Variants in CILP observed in about 807,000 individuals in gnomAD.
CILP encodes the protein cartilage intermediate layer protein.
In CILP, 75 loss-of-function variants were observed where a neutral mutation model predicts 82.5. That is an observed-to-expected ratio of 0.91 (90% CI 0.75 to 1.10). The LOEUF (loss-of-function observed/expected upper bound fraction) is 1.10. Among genes scored for constraint, CILP ranks in the 50% least tolerant of loss-of-function variants. CILP has a pLI of 0.00. For missense variants in CILP, 1,479 were observed against 1,530.8 expected (o/e 0.97, Z 0.56); for synonymous variants, 530 against 580.3 (o/e 0.91, Z 1.25).
chr15:65,197,356 T>C lies in CILP; in HGVS notation c.2930A>G (p.His977Arg). 1 of 1,614,226 alleles carries C rather than the reference T, an allele frequency of 6.2e-7. No homozygotes were observed. The highest frequency in any genetic ancestry group is 8.5e-7 in the Non-Finnish European group (1 of 1,180,034). ...NVRSRNMGGT[H>R]RQTVGKLYGI... ...ATACAGCTTCCCCACTGTCTGCCGA[T>C]GAGTGCCCCCCATGTTGCGGGATCG... Residue 977 changes from histidine (H) to arginine (R), a missense_variant, in exon 9 of 9, where the codon CAT (histidine) becomes CGT (arginine). Transcript: ENST00000261883.
chr15:65,207,550 C>T (rs2088531705), intron 3 of CILP, 122 bp downstream of exon 3: 1 of 785,878 alleles, frequency 1.3e-6, no homozygotes, highest in Admixed American at 2.1e-5. Context: ...AGATGGAGGC[C>T]AAATGCTTGT....
At chr15:65,206,493 A>G (rs1229778016) in intron 4 of CILP, among the ~76,000 whole-genome samples, 1 of 152,200 alleles carries the variant, frequency 6.6e-6, no homozygotes, top group East Asian at 1.9e-4. Context: ...CCCACTTCAG[A>G]GCCTGTGGTC....
At position 65,206,712 on chromosome 15, in the gene CILP, C is replaced by T. The variant is rs1313747524; in HGVS notation, c.424+70G>A. The stretch of plus-strand genomic sequence containing the variant: ...TGCTGAGAGTTCTGGTGGCCAGAGG[C>T]AGGTTCTCCCTCTCCCTGAGTAGAG... On this transcript the variant is annotated intron_variant, in intron 4 of 8. Transcript: ENST00000261883. 5 of 1,507,718 alleles carry T rather than the reference C, an allele frequency of 3.3e-6. No homozygotes were observed. The African/African-American group carries it at 5.6e-5, about 17-fold the overall frequency. The allele number at this position is 1,507,718 out of a possible 1,614,324, so 93.4% of individuals were successfully genotyped here.
intron 2 of CILP, among the ~76,000 whole-genome samples, chr15:65,209,104 G>T (rs966356648): frequency 2.7e-5 from 4 of 146,868 alleles, no homozygotes; most frequent in African/African-American, 1.0e-4. Context: ...GAGAGAGTGT[G>T]CAGGGGAGGG....
Position 65,209,863 on chromosome 15 carries a change from T to C in CILP, c.-106-2A>G. 4.7e-6 allele frequency: 4 copies of C among 858,468 alleles called. No homozygotes were observed. The highest frequency in any genetic ancestry group is 7.6e-6 in the Non-Finnish European group (4 of 522,908). 53.2% of individuals were successfully genotyped at this position (858,468 alleles called of 1,614,324 possible). On this transcript the variant is annotated splice_acceptor_variant, in intron 1 of 8. Transcript: ENST00000261883. LOFTEE classifies it low-confidence loss of function (5UTR_SPLICE). Reference sequence around the variant, plus strand: ...GGGAAGTTTCTCAGATCCAGTGACCTGTAAAGAAACAAAGCTTGTCAGGTT... The same window carrying C: ...GGGAAGTTTCTCAGATCCAGTGACCCGTAAAGAAACAAAGCTTGTCAGGTT...
rs766004466 is a variant in CILP at position 65,197,671 on chromosome 15, G to C, written c.2615C>G (p.Thr872Arg). Residue 872 changes from threonine (T) to arginine (R), a missense_variant, in exon 9 of 9, where the codon ACA (threonine) becomes AGA (arginine). By Grantham distance (71) the Thr-to-Arg change is moderately conservative. Transcript: ENST00000261883. Reference protein sequence around the residue: ...TDHEDPRVKKTAFQISMAKPR... With the variant: ...TDHEDPRVKKRAFQISMAKPR... ...CTTGGCCATGCTAATCTGGAAAGCT[G>C]TCTTTTTAACCCGTGGATCCTCATG... 1.6e-5 allele frequency: 26 copies of C among 1,613,922 alleles called. No individual in the cohort carries two copies. Among genetic ancestry groups the C allele is most frequent in the Non-Finnish European group, 2.1e-5 (25 of 1,180,046 alleles).
Position 65,197,254 on chromosome 15 carries a change from C to T in CILP, c.3032G>A (p.Ser1011Asn), listed in dbSNP as rs748073724. The T allele has an allele frequency of 1.2e-6, 2 of 1,614,114 alleles. No individual in the cohort carries two copies. Among genetic ancestry groups the T allele is most frequent in the Non-Finnish European group, 8.5e-7 (1 of 1,179,996 alleles). ...ACGGTCCTGATCATAGAGCATCCCA[C>T]TGCACTTGAACTCCAGACAGGCAGC... ...VSAACLEFKC[S>N]GMLYDQDRVD... Residue 1011 changes from serine (S) to asparagine (N), a missense_variant, in exon 9 of 9, where the codon AGT (serine) becomes AAT (asparagine). Ser to Asn is a conservative substitution (Grantham distance 46). Coordinates refer to ENST00000261883, the MANE Select transcript of CILP (RefSeq NM_003613.4).
chr15:65,210,301 C>T (rs2088571410), intron 1 of CILP, among the ~76,000 whole-genome samples: 1 of 152,208 alleles, frequency 6.6e-6, no homozygotes, highest in African/African-American at 2.4e-5. Context: ...CTCCAGTGGC[C>T]TCTCATAAGG....
At position 65,197,034 on chromosome 15, in the gene CILP, A is replaced by AG; in HGVS notation, c.3251dup (p.Arg1085SerfsTer13). On this transcript the variant is annotated frameshift_variant, in exon 9 of 9. Coordinates refer to ENST00000261883, the MANE Select transcript of CILP (RefSeq NM_003613.4). LOFTEE classifies it high-confidence loss of function. ...CGAGCGCGATCTCCTTGGCCGTGCG[A>AG]GGGTCCTGGTCAGTGACAGTGTAGA... is the stretch of plus-strand genomic sequence containing the variant. The AG allele has an allele frequency of 1.9e-6, 3 of 1,614,200 alleles. No homozygotes were observed. The highest frequency in any genetic ancestry group is 2.5e-6 in the Non-Finnish European group (3 of 1,180,044).
chr15:65,208,222 G>A (rs760368401), intron 2 of CILP, among the ~76,000 whole-genome samples: 7 of 152,144 alleles, frequency 4.6e-5, no homozygotes, highest in Non-Finnish European at 8.8e-5. Context: ...CTCGCAGGGT[G>A]ATTCAGTTGG....
intron 2 of CILP, among the ~76,000 whole-genome samples, chr15:65,208,458 C>T (rs1395566389): frequency 6.6e-6 from 1 of 152,186 alleles, no homozygotes; most frequent in East Asian, 1.9e-4. Context: ...TAGAACAACA[C>T]CTAGCACATA....
In CILP at chr15:65,201,912, A is replaced by G. The variant is rs1459558859; in HGVS notation, c.1146T>C (p.Ala382=). 8.1e-6 allele frequency: 13 copies of G among 1,597,532 alleles called. No homozygotes were observed. Among genetic ancestry groups the G allele is most frequent in the Non-Finnish European group, 8.5e-6 (10 of 1,172,770 alleles). Reference sequence around the variant, plus strand: ...GGGCAACCTTGGACTTCACAGCCCCAGCATCACTCTGGGCCTTGCAAAAGT... The same window carrying G: ...GGGCAACCTTGGACTTCACAGCCCCGGCATCACTCTGGGCCTTGCAAAAGT... ...GEYFCKAQSD[A]GAVKSKVAQL... is the part of the protein sequence containing the mutation. Residue 382 remains alanine (A), a synonymous_variant, in exon 8 of 9, where the codon GCT becomes GCC. Coordinates refer to ENST00000261883, the MANE Select transcript of CILP (RefSeq NM_003613.4).
chr15:65,207,881 C>T, intron 2 of CILP, 117 bp from the exon 3 acceptor site: 2 of 791,790 alleles, frequency 2.5e-6, no homozygotes, highest in Non-Finnish European at 2.1e-6. Context: ...GGCATGGGTT[C>T]AAACCCCACT....
rs1189996445 is a variant in CILP, at chr15:65,196,817, G to A, written c.3469C>T (p.Arg1157Ter). The change falls in exon 9 of 9, where the codon CGA becomes TGA. Residue 1157 changes from arginine (R) to a stop codon, truncating the protein, a stop_gained. Coordinates refer to ENST00000261883, the MANE Select transcript of CILP (RefSeq NM_003613.4). LOFTEE classifies it low-confidence loss of function (END_TRUNC). Reference sequence around the variant, plus strand: ...TGGCGCTGGCCACCCCTGCTCGCTCGCTGCTGCCTCCTCGAGGGCACTCTT... The same window carrying A: ...TGGCGCTGGCCACCCCTGCTCGCTCACTGCTGCCTCCTCGAGGGCACTCTT... ...QGRVPSRRQQ[R>*]ASRGGQRQGG... 17 of 1,609,940 alleles carry A rather than the reference G, an allele frequency of 1.1e-5. No homozygotes were observed. Among genetic ancestry groups the A allele is most frequent in the East Asian group, 4.5e-5 (2 of 44,808 alleles).
In CILP at chr15:65,197,869, G is replaced by T; in HGVS notation, c.2417C>A (p.Ala806Asp). 1 of 1,613,620 alleles carries T rather than the reference G, an allele frequency of 6.2e-7. No individual in the cohort carries two copies. Among genetic ancestry groups the T allele is most frequent in the Non-Finnish European group, 8.5e-7 (1 of 1,179,908 alleles). Residue 806 changes from alanine to aspartate, a missense_variant, in exon 9 of 9, where the codon GCC (alanine) becomes GAC (aspartate). By Grantham distance (126) the Ala-to-Asp change is moderately radical. Coordinates refer to ENST00000261883, the MANE Select transcript of CILP (RefSeq NM_003613.4). ...FDSVITGPNG[A>D]CVPAFCDDQS... ...GTCATCACAGAAGGCAGGCACACAG[G>T]CCCCGTTGGGGCCTGTGATGACACT...
Position 65,207,008 on chromosome 15 carries a change from G to C in CILP, c.198C>G (p.Gly66=). 1 of 1,613,910 alleles carries C rather than the reference G, an allele frequency of 6.2e-7. No individual in the cohort carries two copies. Among genetic ancestry groups the C allele is most frequent in the South Asian group, 1.1e-5 (1 of 91,072 alleles). Reference sequence around the variant, plus strand: ...CCAGCCGCTCATAGTCGCCCTTCCCGCCTGGGTAGTCGATGTTGAACCATG... The same window carrying C: ...CCAGCCGCTCATAGTCGCCCTTCCCCCCTGGGTAGTCGATGTTGAACCATG... ...WTTWFNIDYP[G]GKGDYERLDA... Residue 66 remains glycine (G), a synonymous_variant, in exon 4 of 9, where the codon GGC becomes GGG. Transcript: ENST00000261883.
At chr15:65,205,777 G>T (rs1425097018) in intron 4 of CILP, among the ~76,000 whole-genome samples, 1 of 152,162 alleles carries the variant, frequency 6.6e-6, no homozygotes, top group African/African-American at 2.4e-5. Flanking sequence ...TTCTTCACCA[G>T]TGTGGAAACG....
In CILP at chr15:65,204,449, C is replaced by T. The variant is rs148843945; in HGVS notation, c.738G>A (p.Leu246=). The T allele has an allele frequency of 5.7e-4, 917 of 1,614,094 alleles. 5 individuals carry two copies. In the African/African-American group the frequency reaches 0.011, roughly 19 times the overall value. The stretch of plus-strand genomic sequence containing the variant: ...GGGTCAGCAGCTTCGGCGTCTTGGT[C>T]AGGAGGTAGATAGCAGCCCCTGAGG... ...APASGAAIYL[L]TKTPKLLTQT... The change falls in exon 6 of 9, where the codon CTG becomes CTA. Residue 246 remains leucine (L), a synonymous_variant. Coordinates refer to ENST00000261883, the MANE Select transcript of CILP (RefSeq NM_003613.4).
intron 6 of CILP, 126 bp downstream of exon 6, chr15:65,204,142 T>C (rs1390606459): frequency 5.1e-6 from 4 of 782,224 alleles, no homozygotes; most frequent in South Asian, 1.8e-5. Context: ...TATAGTGCCA[T>C]GTGGGCCATG....
Sources: allele counts gnomAD v4.1 joint callset (sites outside exome capture counted in the v4.1 genomes callset), GRCh38; gene constraint gnomAD v4.1.1; transcripts MANE v1.5; gene names NCBI Gene and HGNC (gene_info 2026-07-23, HGNC 2026-07-21).